RAD51B: variants seen among roughly 807,000 people sequenced by gnomAD.
RAD51B encodes RAD51 paralog B, also known as DNA repair protein RAD51 homolog 2.
A neutral mutation model predicts 42.2 loss-of-function variants in RAD51B; 38 were observed. That is an observed-to-expected ratio of 0.90 (90% confidence interval 0.70 to 1.18). RAD51B has a LOEUF of 1.18. Among genes scored for constraint, RAD51B ranks in the 50% most tolerant of loss-of-function variants. The pLI is 0.00. For missense variants in RAD51B, 373 were observed against 400.7 expected (o/e 0.93, Z 0.59); for synonymous variants, 154 against 145.2 (o/e 1.06, Z -0.43).
At chr14:68,015,543 C>T (rs73284231) in intron 7 of RAD51B, among the ~76,000 whole-genome samples, 3,794 of 152,176 alleles carry the variant, frequency 0.025, 163 homozygotes, top group African/African-American at 0.086. Flanking sequence ...CTTACATGGC[C>T]GCAGAGAAGA....
intron 5 of RAD51B, among the ~76,000 whole-genome samples, chr14:67,882,666 C>T (rs1364724917): frequency 2.0e-5 from 3 of 152,168 alleles, no homozygotes; most frequent in Non-Finnish European, 4.4e-5. Flanking sequence ...TAACCAAAAC[C>T]TTTATGTGAA....
intron 8 of RAD51B, among the ~76,000 whole-genome samples, chr14:68,318,998 C>A (rs1460893178): frequency 6.6e-6 from 1 of 152,138 alleles, no homozygotes; most frequent in Non-Finnish European, 1.5e-5. Context: ...GGGGAAGTCC[C>A]ATCCCATTGT....
At chr14:68,535,948 C>T (rs1300356535) in intron 10 of RAD51B, among the ~76,000 whole-genome samples, 1 of 152,150 alleles carries the variant, frequency 6.6e-6, no homozygotes, top group Non-Finnish European at 1.5e-5. Context: ...AGAAATGCTT[C>T]TGGCTAATGT....
chr14:67,889,738 G>C (rs918154635), intron 7 of RAD51B, among the ~76,000 whole-genome samples: 5 of 151,952 alleles, frequency 3.3e-5, no homozygotes, highest in Non-Finnish European at 5.9e-5. Flanking sequence ...GGAATTAATC[G>C]ATATCACTTG....
At chr14:68,526,375 G>T (rs927564949) in intron 10 of RAD51B, among the ~76,000 whole-genome samples, 1 of 152,178 alleles carries the variant, frequency 6.6e-6, no homozygotes, top group Non-Finnish European at 1.5e-5. Context: ...TATACTGGAC[G>T]ATGTTTCCAC....
chr14:68,031,268 A>T (rs982547127), intron 7 of RAD51B, among the ~76,000 whole-genome samples: 1 of 152,180 alleles, frequency 6.6e-6, no homozygotes, highest in African/African-American at 2.4e-5. Flanking sequence ...CCCTTATCAA[A>T]CCATCAGATC....
intron 7 of RAD51B, among the ~76,000 whole-genome samples, chr14:68,198,399 TA>T (rs1238102880): frequency 6.6e-6 from 1 of 152,180 alleles, no homozygotes; most frequent in Non-Finnish European, 1.5e-5. Flanking sequence ...GTGAGTTTTT[TA>T]AAAAATCAAT....
intron 1 of RAD51B, chr14:67,822,082 TAAAC>T (rs931519601): frequency 6.6e-6 from 1 of 152,146 alleles, no homozygotes; most frequent in African/African-American, 2.4e-5. Flanking sequence ...GTATTGGAAA[TAAAC>T]AAATATATAC....
chr14:67,933,604 C>A (rs1222225441), intron 7 of RAD51B, among the ~76,000 whole-genome samples: 1 of 152,120 alleles, frequency 6.6e-6, no homozygotes, highest in Non-Finnish European at 1.5e-5. Flanking sequence ...TCTCACTTAC[C>A]CTTCCCTATG....
chr14:67,932,847 G>T (rs750042037), intron 7 of RAD51B, among the ~76,000 whole-genome samples: 32 of 152,250 alleles, frequency 2.1e-4, no homozygotes, highest in African/African-American at 3.6e-4. Context: ...CACCACCAGT[G>T]GGGGCACAGT....
At chr14:67,896,439 C>T (rs935580486) in intron 7 of RAD51B, among the ~76,000 whole-genome samples, 6 of 152,142 alleles carry the variant, frequency 3.9e-5, no homozygotes, top group Non-Finnish European at 8.8e-5. Context: ...AGATTTTATA[C>T]GAAGAGCTGT....
intron 10 of RAD51B, among the ~76,000 whole-genome samples, chr14:68,639,174 A>G (rs1892404305): frequency 6.6e-6 from 1 of 152,230 alleles, no homozygotes; most frequent in Non-Finnish European, 1.5e-5. Context: ...AGCTGCTGTA[A>G]CAGACTCCAG....
intron 8 of RAD51B, among the ~76,000 whole-genome samples, chr14:68,385,662 G>T (rs2083580149): frequency 6.6e-6 from 1 of 152,170 alleles, no homozygotes; most frequent in Admixed American, 6.5e-5. Context: ...GTCTCTGCTG[G>T]TGAGCTGACT....
chr14:68,292,165 T>C (rs945387641), intron 8 of RAD51B, among the ~76,000 whole-genome samples, 185 bp downstream of exon 8: 3 of 152,228 alleles, frequency 2.0e-5, no homozygotes, highest in Non-Finnish European at 2.9e-5. Flanking sequence ...GGGAGTCTTT[T>C]GCCCTGCCTC....
intron 10 of RAD51B, among the ~76,000 whole-genome samples, chr14:68,543,315 A>G (rs1284521461): frequency 6.6e-6 from 1 of 152,180 alleles, no homozygotes; most frequent in Admixed American, 6.5e-5. Flanking sequence ...CTTTTTCTCC[A>G]TGATTATCTG....
At chr14:68,253,046 G>T (rs1595609678) in intron 7 of RAD51B, among the ~76,000 whole-genome samples, 1 of 150,492 alleles carries the variant, frequency 6.6e-6, no homozygotes, top group East Asian at 1.9e-4. Flanking sequence ...TCATGCCATT[G>T]CACTCTAGCC....
intron 5 of RAD51B, among the ~76,000 whole-genome samples, chr14:67,884,095 A>T (rs917362260): frequency 2.0e-5 from 3 of 152,170 alleles, no homozygotes; most frequent in African/African-American, 7.2e-5. Flanking sequence ...TTGGTTTTTG[A>T]TTTATATATT....
chr14:68,049,719 A>C lies in RAD51B; in HGVS notation c.756+162515A>C, dbSNP rs188812664. ...GTCCTTGTTTATCCAGGCCTTTGTT[A>C]CTCCCACAGCCTCCTTGCCAGCCTT... On this transcript the variant is annotated intron_variant, in intron 7 of 10. Coordinates refer to ENST00000471583, the MANE Select transcript of RAD51B (RefSeq NM_133510.4). Among the ~76,000 whole-genome samples, 9 of 152,002 alleles carry C rather than the reference A, an allele frequency of 5.9e-5. No individual in the cohort carries two copies. In the East Asian group the frequency reaches 1.7e-3, roughly 29 times the overall value.
At chr14:67,829,651 A>T (rs2140287359) in intron 3 of RAD51B, among the ~76,000 whole-genome samples, 1 of 152,108 alleles carries the variant, frequency 6.6e-6, no homozygotes, top group Non-Finnish European at 1.5e-5. Context: ...TTCTTCAGGA[A>T]ATTTTTTTTG....
Sources: gnomAD v4.1 joint callset for allele counts (sites outside exome capture counted in the v4.1 genomes callset) on GRCh38, gnomAD v4.1.1 for gene constraint, MANE v1.5 for transcripts, NCBI Gene and HGNC (gene_info 2026-07-23, HGNC 2026-07-21) for gene names.